Variants in EIF4G1 observed in about 807,000 individuals in gnomAD.
The protein encoded by EIF4G1 is EIF4-gamma.
Under a neutral mutation model 187.8 loss-of-function variants are expected in EIF4G1, and 4 were observed. That is an observed-to-expected ratio of 0.02 (90% confidence interval 0.01 to 0.05). The LOEUF (loss-of-function observed/expected upper bound fraction) is 0.05, where lower values mean the gene tolerates loss of function less well. Ranked by LOEUF, EIF4G1 falls within the 10% of genes least tolerant of loss-of-function variation. The pLI, the probability that EIF4G1 is intolerant of heterozygous loss-of-function variation, is 1.00. For missense variants in EIF4G1, 1,647 were observed against 2,081.1 expected (o/e 0.79, Z 4.06); for synonymous variants, 844 against 781.4 (o/e 1.08, Z -1.34).
At position 184,323,075 on chromosome 3, in the gene EIF4G1, CTT is replaced by C; in HGVS notation, c.1930-6_1930-5del. Reference sequence around the variant, plus strand: ...TGCTTCTGAGACCTTTTCCTGTCCTCTTTGCAGGCCAATAAAACACCACTGCG... The same window carrying C: ...TGCTTCTGAGACCTTTTCCTGTCCTCTGCAGGCCAATAAAACACCACTGCG... On this transcript the variant is annotated splice_polypyrimidine_tract_variant and splice_region_variant and intron_variant, in intron 13 of 32. Transcript: ENST00000346169. The surrounding 1 kb of genome is among the most constrained non-coding windows in gnomAD (Gnocchi z 6.9). The C allele has an allele frequency of 6.2e-7, 1 of 1,614,214 alleles. No individual in the cohort carries two copies.
chr3:184,335,073 C>T lies in EIF4G1; in HGVS notation c.*165C>T, dbSNP rs1726868301. 1.1e-6 allele frequency: 1 copy of T among 896,710 alleles called. No homozygotes were observed. The highest frequency in any genetic ancestry group is 2.3e-5 in the Admixed American group (1 of 43,542). 55.5% of individuals were successfully genotyped at this position (896,710 alleles called of 1,614,324 possible). ...AAGAGGCAGGATGGCTTGGGGCTGCCTGGGCCCCCCTCCAGGATGCCGCCA... is the reference window on the plus strand; with the variant it reads ...AAGAGGCAGGATGGCTTGGGGCTGCTTGGGCCCCCCTCCAGGATGCCGCCA... On this transcript the variant is annotated 3_prime_UTR_variant, in exon 33 of 33. Transcript: ENST00000346169.
chr3:184,321,426 C>T lies in EIF4G1; in HGVS notation c.842C>T (p.Ala281Val), dbSNP rs757619292. Residue 281 changes from alanine to valine, a missense_variant, in exon 10 of 33, where the codon GCA becomes GTA. By Grantham distance (64) the Ala-to-Val change is moderately conservative. Coordinates refer to ENST00000346169, the MANE Select transcript of EIF4G1 (RefSeq NM_198241.3). ...VLEPGSEPNL[A>V]VLSIPGDTMT... ...GAACCGGGGTCTGAGCCTAATCTCG[C>T]AGTCCTCTCTATTCCTGGGGACACT... The T allele has an allele frequency of 6.2e-7, 1 of 1,614,156 alleles. No homozygotes were observed. Among genetic ancestry groups the T allele is most frequent in the Non-Finnish European group, 8.5e-7 (1 of 1,180,038 alleles).
rs556596071 is a variant in EIF4G1, at chr3:184,335,044, G to T, written c.*136G>T. The T allele has an allele frequency of 9.5e-6, 12 of 1,264,922 alleles. No individual in the cohort carries two copies. The South Asian group carries it at 1.6e-4, about 17-fold the overall frequency. The allele number at this position is 1,264,922 out of a possible 1,614,324, so 78.4% of individuals were successfully genotyped here. On this transcript the variant is annotated 3_prime_UTR_variant, in exon 33 of 33. Coordinates refer to ENST00000346169, the MANE Select transcript of EIF4G1 (RefSeq NM_198241.3). ...GTGATGTGTCTGAACTAATAAAGTG[G>T]CTGAAGAGGCAGGATGGCTTGGGGC...
intron 4 of EIF4G1, chr3:184,316,847 T>A (rs1721282564): frequency 6.0e-6 from 7 of 1,175,066 alleles, no homozygotes; most frequent in Non-Finnish European, 8.6e-6. Flanking sequence ...TTGTTTGGTG[T>A]CCAGGTTCTC....
In EIF4G1 at chr3:184,334,626, A is replaced by G; in HGVS notation, c.4619-101A>G. 1 of 1,422,234 alleles carries G rather than the reference A, an allele frequency of 7.0e-7. No homozygotes were observed. The highest frequency in any genetic ancestry group is 1.8e-5 in the Admixed American group (1 of 56,314). 88.1% of individuals were successfully genotyped at this position (1,422,234 alleles called of 1,614,324 possible). A position where few individuals can be genotyped will look rare whatever the true frequency, so the allele number is the denominator to read the frequency against. On this transcript the variant is annotated intron_variant, in intron 32 of 32. Transcript: ENST00000346169. The surrounding 1 kb of genome is among the most constrained non-coding windows in gnomAD (Gnocchi z 5.8). ...ATGGCCACAAATGTCAGGCTGGTGC[A>G]TCAGGGCCTTGTTTGAACAGTGGAA...
chr3:184,321,133 G>A (rs991089735), intron 9 of EIF4G1, 140 bp downstream of exon 9: 2 of 1,485,822 alleles, frequency 1.3e-6, no homozygotes, highest in African/African-American at 2.8e-5. Context: ...GGGTGAATTG[G>A]GTTTTGGATG....
At chr3:184,315,170 G>T in intron 1 of EIF4G1, 1 of 353,734 alleles carries the variant, frequency 2.8e-6, no homozygotes, top group East Asian at 7.7e-5. Context: ...ACCCTCACTT[G>T]CCTGAAACCG....
intron 7 of EIF4G1, chr3:184,320,298 G>A: frequency 7.9e-7 from 1 of 1,271,440 alleles, no homozygotes; most frequent in South Asian, 1.6e-5. Context: ...CTAGCCACAA[G>A]TGAGCCGATT....
At chr3:184,326,379 A>C (rs1724913913) in intron 21 of EIF4G1, 148 bp from the exon 22 acceptor site, 2 of 759,228 alleles carry the variant, frequency 2.6e-6, no homozygotes, top group African/African-American at 1.7e-5. Context: ...AGAATTGAGT[A>C]GTTGCAATAG....
intron 6 of EIF4G1, 49 bp from the exon 7 acceptor site, chr3:184,319,640 G>T (rs751427317): frequency 8.9e-6 from 11 of 1,231,810 alleles, no homozygotes; most frequent in Admixed American, 2.0e-5. Flanking sequence ...TTAGTATATG[G>T]TTGGGCCCTG....
In EIF4G1 at chr3:184,332,071, T is replaced by C; in HGVS notation, c.4603T>C (p.Leu1535=). The change falls in exon 32 of 33, where the codon TTA becomes CTA. Residue 1535 remains leucine (L), a synonymous_variant. Transcript: ENST00000346169. The stretch of plus-strand genomic sequence containing the variant: ...CGCCCTCCAGGCCCTTGTAGTGACC[T>C]TAGAACAGCCTCCCAGTAAGAGCCA... ...LYALQALVVT[L]EQPPNLLRMF... 6.2e-7 allele frequency: 1 copy of C among 1,614,128 alleles called. No individual in the cohort carries two copies.
chr3:184,330,583 A>G (rs1293060368), intron 28 of EIF4G1, among the ~76,000 whole-genome samples: 2 of 152,022 alleles, frequency 1.3e-5, no homozygotes, highest in African/African-American at 4.8e-5. Flanking sequence ...AGGATTTTTT[A>G]TTTGTGTTAG....
intron 4 of EIF4G1, 89 bp from the exon 5 acceptor site, chr3:184,317,232 T>C (rs774087692): frequency 7.5e-6 from 11 of 1,472,778 alleles, no homozygotes; most frequent in Non-Finnish European, 8.5e-6. Flanking sequence ...ACAGTACTTC[T>C]TTCCAGGCTA....
chr3:184,324,367 C>G lies in EIF4G1; in HGVS notation c.2619+20C>G. On this transcript the variant is annotated intron_variant, in intron 17 of 32. Coordinates refer to ENST00000346169, the MANE Select transcript of EIF4G1 (RefSeq NM_198241.3). Reference sequence around the variant, plus strand: ...GCTACGGTGAGAGAAAACCCACTATCGATTCCACTCACCACTTACCTCCTT... The same window carrying G: ...GCTACGGTGAGAGAAAACCCACTATGGATTCCACTCACCACTTACCTCCTT... The G allele has an allele frequency of 6.2e-7, 1 of 1,614,088 alleles. No homozygotes were observed. Among genetic ancestry groups the G allele is most frequent in the Non-Finnish European group, 8.5e-7 (1 of 1,180,014 alleles).
chr3:184,320,138 C>CA lies in EIF4G1; in HGVS notation c.537+338dup, dbSNP rs1248579826. 2.0e-5 allele frequency among the ~76,000 whole-genome samples: 3 copies of CA among 151,802 alleles called. No individual in the cohort carries two copies. In the East Asian group the frequency reaches 5.8e-4, roughly 29 times the overall value. Reference sequence around the variant, plus strand: ...CAGCCCCCATTCCCCCCTGCCCCCCCAGTCCTGGAAGCTCTCAAGGCCTCC... The same window carrying CA: ...CAGCCCCCATTCCCCCCTGCCCCCCCAAGTCCTGGAAGCTCTCAAGGCCTCC... On this transcript the variant is annotated intron_variant, in intron 7 of 32. Transcript: ENST00000346169.
intron 27 of EIF4G1, 53 bp from the exon 28 acceptor site, chr3:184,328,856 A>G: frequency 6.2e-7 from 1 of 1,613,820 alleles, no homozygotes. Flanking sequence ...GAGATGGAGT[A>G]GTGGTGAGAG....
At chr3:184,317,250 AT>A in intron 4 of EIF4G1, 70 bp from the exon 5 acceptor site, 1 of 1,550,102 alleles carries the variant, frequency 6.5e-7, no homozygotes, top group South Asian at 1.1e-5. Flanking sequence ...CTATAGAGAC[AT>A]TGTGGAGTGG....
intron 32 of EIF4G1, among the ~76,000 whole-genome samples, chr3:184,332,444 A>G (rs1057411352): frequency 3.9e-5 from 6 of 152,212 alleles, no homozygotes; most frequent in African/African-American, 1.2e-4. Context: ...AATGTTGTTT[A>G]GGGTGGATGG....
In EIF4G1 at chr3:184,331,784, G is replaced by A. The variant is rs1236080062; in HGVS notation, c.4452G>A (p.Thr1484=). 3 of 1,614,162 alleles carry A rather than the reference G, an allele frequency of 1.9e-6. No homozygotes were observed. Among genetic ancestry groups the A allele is most frequent in the Admixed American group, 3.3e-5 (2 of 60,020 alleles). Residue 1484 remains threonine (T), a synonymous_variant, in exon 31 of 33, where the codon ACG becomes ACA. Transcript: ENST00000346169. The part of the protein sequence containing the change: ...VSNTLVRALM[T]AVCYSAIIFE... ...ACACGTTAGTTCGAGCCCTCATGAC[G>A]GCTGTCTGCTATTCTGCAATTATTT...
Sources: allele counts gnomAD v4.1 joint callset (sites outside exome capture counted in the v4.1 genomes callset), GRCh38; gene constraint gnomAD v4.1.1; non-coding constraint Gnocchi (gnomAD v3.1); transcripts MANE v1.5; gene names NCBI Gene and HGNC (gene_info 2026-07-23, HGNC 2026-07-21).